Variants in CCSER1 observed in about 807,000 individuals in gnomAD.
The protein encoded by CCSER1 is serine-rich coiled-coil domain-containing protein 1.
Under a neutral mutation model 82.0 loss-of-function variants are expected in CCSER1, and 41 were observed. The ratio of observed to expected loss-of-function variants is 0.50; its 90% CI spans 0.39 to 0.65. The LOEUF (loss-of-function observed/expected upper bound fraction) is 0.65, where lower values mean the gene tolerates loss of function less well. Ranked by LOEUF, CCSER1 falls within the 30% of genes least tolerant of loss-of-function variation. The pLI, the probability that CCSER1 is intolerant of heterozygous loss-of-function variation, is 0.00. For missense variants in CCSER1, 1,119 were observed against 1,064.2 expected (o/e 1.05, Z -0.72); for synonymous variants, 414 against 383.9 (o/e 1.08, Z -0.92).
chr4:90,699,370 C>A (rs1428052968), intron 6 of CCSER1, among the ~76,000 whole-genome samples: 2 of 152,102 alleles, frequency 1.3e-5, no homozygotes, highest in African/African-American at 4.8e-5. Flanking sequence ...AAGGTCGGGG[C>A]ATGAGAATCT....
chr4:90,759,569 C>T (rs113241508), intron 7 of CCSER1, among the ~76,000 whole-genome samples: 1 of 152,082 alleles, frequency 6.6e-6, no homozygotes, highest in African/African-American at 2.4e-5. Flanking sequence ...GTTATTGTTG[C>T]ACCATGGCCA....
At chr4:90,274,025 A>G (rs1727077745) in intron 1 of CCSER1, among the ~76,000 whole-genome samples, 1 of 152,182 alleles carries the variant, frequency 6.6e-6, no homozygotes, top group Admixed American at 6.6e-5. Flanking sequence ...TTAAAAACAA[A>G]TTTTGCATAT....
intron 10 of CCSER1, among the ~76,000 whole-genome samples, chr4:91,134,928 C>T (rs919699513): frequency 3.3e-5 from 5 of 151,968 alleles, no homozygotes; most frequent in East Asian, 1.9e-4. Flanking sequence ...GATGTGGTGG[C>T]GCATGCTTGT....
At chr4:90,344,050 C>T (rs1561063978) in intron 3 of CCSER1, among the ~76,000 whole-genome samples, 1 of 152,134 alleles carries the variant, frequency 6.6e-6, no homozygotes, top group Non-Finnish European at 1.5e-5. Context: ...CTAACCTCCC[C>T]AGCCTCTGGT....
chr4:91,115,679 TA>T (rs1271544531), intron 10 of CCSER1, among the ~76,000 whole-genome samples: 1 of 151,618 alleles, frequency 6.6e-6, no homozygotes, highest in Non-Finnish European at 1.5e-5. Flanking sequence ...GGGTACATAC[TA>T]AAAAAAATTT....
chr4:90,831,862 T>C (rs62311109), intron 8 of CCSER1, among the ~76,000 whole-genome samples: 16,386 of 152,134 alleles, frequency 0.11, 991 homozygotes, highest in African/African-American at 0.15. Flanking sequence ...TTCCACTACC[T>C]CAATATAGCC....
intron 5 of CCSER1, among the ~76,000 whole-genome samples, chr4:90,616,152 G>T (rs1006480529): frequency 6.6e-6 from 1 of 152,130 alleles, no homozygotes; most frequent in Non-Finnish European, 1.5e-5. Flanking sequence ...ATACAGTATA[G>T]TATACACAAA....
At chr4:91,465,982 G>A (rs1004286834) in intron 10 of CCSER1, among the ~76,000 whole-genome samples, 1 of 152,002 alleles carries the variant, frequency 6.6e-6, no homozygotes, top group Non-Finnish European at 1.5e-5. Context: ...AAAAAGAGGG[G>A]ATCCTCCCTA....
intron 7 of CCSER1, among the ~76,000 whole-genome samples, chr4:90,800,475 A>G (rs1256792309): frequency 2.0e-5 from 3 of 152,274 alleles, no homozygotes; most frequent in South Asian, 4.2e-4. Flanking sequence ...ACCTTGCTTA[A>G]GAAATACAGG....
intron 7 of CCSER1, 31 bp downstream of exon 7, chr4:90,724,022 A>G (rs1482574627): frequency 3.1e-6 from 4 of 1,306,888 alleles, no homozygotes; most frequent in Middle Eastern, 3.7e-4. Context: ...CATTATTTAT[A>G]AAAATATTAG....
At chr4:91,213,207 T>C (rs1310884451) in intron 10 of CCSER1, among the ~76,000 whole-genome samples, 1 of 152,152 alleles carries the variant, frequency 6.6e-6, no homozygotes, top group Admixed American at 6.6e-5. Flanking sequence ...AGTGAATTTT[T>C]TTTTAATGTA....
At chr4:90,915,381 A>G (rs992247712) in intron 8 of CCSER1, among the ~76,000 whole-genome samples, 1 of 152,196 alleles carries the variant, frequency 6.6e-6, no homozygotes, top group Non-Finnish European at 1.5e-5. Flanking sequence ...AATAAACGTA[A>G]CCCAGCATAT....
chr4:91,534,388 GGCAGACTCTGTT>G (rs1392326153), intron 10 of CCSER1, among the ~76,000 whole-genome samples: 1 of 151,902 alleles, frequency 6.6e-6, no homozygotes, highest in Admixed American at 6.6e-5. Flanking sequence ...GAATTTTTCA[GGCAGACTCTGTT>G]GCACAGTCCT....
At chr4:90,856,813 G>A (rs1186963569) in intron 8 of CCSER1, among the ~76,000 whole-genome samples, 1 of 151,984 alleles carries the variant, frequency 6.6e-6, no homozygotes, top group South Asian at 2.1e-4. Flanking sequence ...AATGTATTCT[G>A]ATATGTATAA....
chr4:90,278,685 G>T (rs945100703), intron 1 of CCSER1, among the ~76,000 whole-genome samples: 1 of 151,838 alleles, frequency 6.6e-6, no homozygotes, highest in Non-Finnish European at 1.5e-5. Flanking sequence ...AAAAAGGGGG[G>T]ATGGAAGGGG....
chr4:91,209,817 T>C lies in CCSER1; in HGVS notation c.2217+123823T>C, dbSNP rs1581776150. Among the ~76,000 whole-genome samples the C allele has an allele frequency of 2.0e-5, 3 of 151,862 alleles. No individual in the cohort carries two copies. In the Middle Eastern group the frequency reaches 0.01, roughly 517 times the overall value. On this transcript the variant is annotated intron_variant, in intron 10 of 10. Transcript: ENST00000509176. ...TCCCCAATTCAGTCTAGGGAGGATG[T>C]ATGCTTCCAAGCAAAATATTTATAT...
chr4:91,500,407 G>A (rs923508445), intron 10 of CCSER1, among the ~76,000 whole-genome samples: 1 of 151,800 alleles, frequency 6.6e-6, no homozygotes, highest in Admixed American at 6.6e-5. Flanking sequence ...ATTTTCTCCT[G>A]GTATATGACT....
At chr4:90,652,641 C>A (rs1003781872) in intron 6 of CCSER1, among the ~76,000 whole-genome samples, 1 of 152,062 alleles carries the variant, frequency 6.6e-6, no homozygotes, top group African/African-American at 2.4e-5. Context: ...AAAAAGAAGA[C>A]CAAGATGAGA....
intron 4 of CCSER1, among the ~76,000 whole-genome samples, chr4:90,448,444 AATATATATATATATATAT>A (rs70963067): frequency 0.05 from 2,218 of 44,104 alleles, 105 homozygotes; most frequent in African/African-American, 0.11. Flanking sequence ...AGGTGAATTG[AATATATATATATATATAT>A]ATATATATAT....
Sources: allele counts gnomAD v4.1 joint callset (sites outside exome capture counted in the v4.1 genomes callset), GRCh38; gene constraint gnomAD v4.1.1; transcripts MANE v1.5; gene names NCBI Gene and HGNC (gene_info 2026-07-23, HGNC 2026-07-21).